SNTG1: variants seen among roughly 807,000 people sequenced by gnomAD.
SNTG1 encodes syntrophin gamma 1.
Under a neutral mutation model 74.7 loss-of-function variants are expected in SNTG1, and 39 were observed. That is an observed-to-expected ratio of 0.52 (90% CI 0.40 to 0.68). The LOEUF (loss-of-function observed/expected upper bound fraction) is 0.68, where lower values mean the gene tolerates loss of function less well. SNTG1 is among the 30% of genes least tolerant of loss of function. SNTG1 has a pLI of 0.00. For missense variants in SNTG1, 685 were observed against 609.5 expected (o/e 1.12, Z -1.30); for synonymous variants, 254 against 217.1 (o/e 1.17, Z -1.49).
chr8:50,156,848 T>C (rs2082270584), intron 1 of SNTG1, among the ~76,000 whole-genome samples: 1 of 152,058 alleles, frequency 6.6e-6, no homozygotes, highest in South Asian at 2.1e-4. Context: ...CTAGAATAAC[T>C]AAAAGGAGAA....
chr8:50,548,689 G>T (rs891451774), intron 11 of SNTG1, among the ~76,000 whole-genome samples: 3 of 152,036 alleles, frequency 2.0e-5, no homozygotes, highest in Non-Finnish European at 4.4e-5. Flanking sequence ...AACAAGTGTT[G>T]CAATAAAGGA....
chr8:50,702,500 T>C lies in SNTG1; in HGVS notation c.1039-2100T>C, dbSNP rs552526353. Among the ~76,000 whole-genome samples, 32 of 152,316 alleles carry C rather than the reference T, an allele frequency of 2.1e-4. No homozygotes were observed. The South Asian group carries it at 4.6e-3, about 22-fold the overall frequency. ...GCAAGCAGGAAACAATGAAAATAGT[T>C]ATTATTTTTTAAACATTTGCCAAAG... On this transcript the variant is annotated intron_variant, in intron 15 of 18. Transcript: ENST00000642720.
intron 17 of SNTG1, among the ~76,000 whole-genome samples, chr8:50,739,068 C>T (rs1263991994): frequency 6.6e-6 from 1 of 152,070 alleles, no homozygotes; most frequent in Non-Finnish European, 1.5e-5. Flanking sequence ...CAAATGGGAT[C>T]TTGTTAAACT....
At chr8:50,016,201 C>A (rs963093970) in intron 1 of SNTG1, among the ~76,000 whole-genome samples, 4 of 152,108 alleles carry the variant, frequency 2.6e-5, no homozygotes, top group African/African-American at 9.7e-5. Context: ...AATGCAACCA[C>A]TGAGCTGGTA....
At chr8:50,470,834 G>A (rs1300049914) in intron 8 of SNTG1, among the ~76,000 whole-genome samples, 2 of 152,142 alleles carry the variant, frequency 1.3e-5, no homozygotes, top group Non-Finnish European at 2.9e-5. Context: ...GGGACCCCAG[G>A]GGTTGCTGCA....
chr8:50,003,635 G>A (rs755318376), intron 1 of SNTG1, among the ~76,000 whole-genome samples: 69 of 152,120 alleles, frequency 4.5e-4, no homozygotes, highest in Non-Finnish European at 8.7e-4. Context: ...GAACCTTTTA[G>A]AAGGAAACTC....
chr8:50,052,535 C>A (rs970646413), intron 1 of SNTG1, among the ~76,000 whole-genome samples: 2 of 151,906 alleles, frequency 1.3e-5, no homozygotes, highest in African/African-American at 4.8e-5. Flanking sequence ...TTGGCTATGC[C>A]AACAAAATCA....
chr8:50,706,128 G>A (rs1161222416), intron 16 of SNTG1, among the ~76,000 whole-genome samples: 1 of 152,108 alleles, frequency 6.6e-6, no homozygotes, highest in African/African-American at 2.4e-5. Context: ...GAAGAGGACA[G>A]AAAGAAAACT....
chr8:50,355,889 C>G (rs1162985790), intron 2 of SNTG1, among the ~76,000 whole-genome samples: 1 of 152,136 alleles, frequency 6.6e-6, no homozygotes, highest in Non-Finnish European at 1.5e-5. Context: ...TTAGACTGAG[C>G]TGATTCCAGT....
At chr8:50,367,298 T>C (rs989405128) in intron 2 of SNTG1, among the ~76,000 whole-genome samples, 3 of 152,030 alleles carry the variant, frequency 2.0e-5, no homozygotes, top group Admixed American at 1.3e-4. Flanking sequence ...CCAAAGTCTA[T>C]GACATTTCCT....
chr8:50,056,989 A>C (rs909399265), intron 1 of SNTG1, among the ~76,000 whole-genome samples: 5 of 152,190 alleles, frequency 3.3e-5, no homozygotes, highest in Admixed American at 3.3e-4. Context: ...ATAATTTATT[A>C]TATCAAACCT....
At chr8:50,253,326 G>A (rs1048325136) in intron 2 of SNTG1, among the ~76,000 whole-genome samples, 2 of 152,096 alleles carry the variant, frequency 1.3e-5, no homozygotes, top group African/African-American at 4.8e-5. Context: ...AGGAGGCTGA[G>A]ACAGGGGAAT....
rs183656266 is a variant in SNTG1, at chr8:50,461,189, G to T, written c.363+10460G>T. ...TGTGTGTGTGTGTGTGTGTGTGTGT[G>T]TGTGTGTGTGTGTGTGACTGTACTG... On this transcript the variant is annotated intron_variant, in intron 8 of 18. Transcript: ENST00000642720. Among the ~76,000 whole-genome samples, 183 of 151,404 alleles carry T rather than the reference G, an allele frequency of 1.2e-3. 1 individual carries two copies. Among genetic ancestry groups the T allele is most frequent in the African/African-American group, 4.2e-3 (173 of 41,208 alleles).
At chr8:50,740,971 A>G (rs2095541950) in intron 17 of SNTG1, among the ~76,000 whole-genome samples, 1 of 152,080 alleles carries the variant, frequency 6.6e-6, no homozygotes, top group African/African-American at 2.4e-5. Context: ...GAAGAACAAC[A>G]TACACTGAGG....
intron 1 of SNTG1, among the ~76,000 whole-genome samples, chr8:50,130,698 G>A (rs2081288723): frequency 6.6e-6 from 1 of 151,972 alleles, no homozygotes; most frequent in African/African-American, 2.4e-5. Flanking sequence ...AGGTACTTGA[G>A]GAAGAAGATA....
intron 17 of SNTG1, among the ~76,000 whole-genome samples, chr8:50,740,129 A>T (rs181071848): frequency 2.6e-4 from 39 of 152,240 alleles, no homozygotes; most frequent in African/African-American, 9.1e-4. Flanking sequence ...AATGGGATCT[A>T]ATTAAACTAA....
intron 4 of SNTG1, among the ~76,000 whole-genome samples, chr8:50,435,087 A>C (rs58504409): frequency 0.028 from 4,242 of 152,210 alleles, 186 homozygotes; most frequent in African/African-American, 0.096. Context: ...AGCAGGGATG[A>C]TAGTTATATT....
At chr8:49,943,212 G>T (rs1221975432) in intron 1 of SNTG1, among the ~76,000 whole-genome samples, 1 of 152,134 alleles carries the variant, frequency 6.6e-6, no homozygotes, top group Non-Finnish European at 1.5e-5. Context: ...TTTGCCAAAG[G>T]ACACACACCC....
intron 18 of SNTG1, among the ~76,000 whole-genome samples, chr8:50,771,031 T>A (rs115312956): frequency 2.0e-5 from 3 of 152,122 alleles, no homozygotes; most frequent in Non-Finnish European, 2.9e-5. Flanking sequence ...TATGCTGTTA[T>A]AGCAACACAA....
Sources: allele counts gnomAD v4.1 joint callset (sites outside exome capture counted in the v4.1 genomes callset), GRCh38; gene constraint gnomAD v4.1.1; transcripts MANE v1.5; gene names NCBI Gene and HGNC (gene_info 2026-07-23, HGNC 2026-07-21).